Variants in NUDT19 observed in about 807,000 individuals in gnomAD.
NUDT19 encodes nudix hydrolase 19, also known as acyl-coenzyme A diphosphatase NUDT19.
NUDT19 carries 31 observed loss-of-function variants against 22.2 expected under a neutral mutation model. The ratio of observed to expected loss-of-function variants is 1.40; its 90% confidence interval spans 1.05 to 1.89. The LOEUF is 1.89. NUDT19 is among the 40% of genes most tolerant of loss of function. The pLI is 0.00. For synonymous variants in NUDT19, 325 were observed against 230.8 expected, an observed-to-expected ratio of 1.41 and a Z score of -3.70; for missense variants, 752 against 514.2, an observed-to-expected ratio of 1.46 and a Z score of -4.47.
intron 1 of NUDT19, among the ~76,000 whole-genome samples, 180 bp downstream of exon 1, chr19:32,692,854 A>G (rs975710819): frequency 6.6e-6 from 1 of 152,236 alleles, no homozygotes; most frequent in African/African-American, 2.4e-5. Context: ...GCTCTTGGTG[A>G]AGTGCTCTCT....
At chr19:32,702,614 G>A (rs4805008) in intron 1 of NUDT19, among the ~76,000 whole-genome samples, 90,852 of 151,840 alleles carry the variant, frequency 0.6, 28,260 homozygotes, top group East Asian at 0.82. Flanking sequence ...TCTCCAAAAA[G>A]AGAAAAAAAA....
chr19:32,705,296 C>T (rs375703020), intron 1 of NUDT19, among the ~76,000 whole-genome samples: 7 of 151,010 alleles, frequency 4.6e-5, no homozygotes, highest in African/African-American at 1.2e-4. Context: ...TGGTGGTGGG[C>T]GCCTATAGTT....
intron 1 of NUDT19, among the ~76,000 whole-genome samples, chr19:32,695,689 C>A (rs1968255263): frequency 6.6e-6 from 1 of 152,180 alleles, no homozygotes; most frequent in Admixed American, 6.5e-5. Flanking sequence ...TGTAAGACTG[C>A]CACCTCCTTG....
intron 1 of NUDT19, among the ~76,000 whole-genome samples, chr19:32,707,040 G>A (rs1187335330): frequency 1.3e-5 from 2 of 152,168 alleles, no homozygotes; most frequent in Non-Finnish European, 2.9e-5. Flanking sequence ...AGCCTCCCAG[G>A]TGGCTGTGAT....
At position 32,712,221 on chromosome 19, in the gene NUDT19, C is replaced by T. The variant is rs541103665; in HGVS notation, c.*264C>T. 4 of 313,984 alleles carry T rather than the reference C, an allele frequency of 1.3e-5. No homozygotes were observed. Among genetic ancestry groups the T allele is most frequent in the East Asian group, 1.4e-4 (2 of 14,560 alleles). 19.4% of individuals were successfully genotyped at this position (313,984 alleles called of 1,614,324 possible). A position where few individuals can be genotyped will look rare whatever the true frequency, so the allele number is the denominator to read the frequency against. On this transcript the variant is annotated 3_prime_UTR_variant, in exon 3 of 3. Transcript: ENST00000397061. ...TCCCGAGTAGCTGGGACTACAGGCGCCCGCCACCATGCCCAGCTAATTTTT... is the reference window on the plus strand; with the variant it reads ...TCCCGAGTAGCTGGGACTACAGGCGTCCGCCACCATGCCCAGCTAATTTTT...
chr19:32,697,341 T>C lies in NUDT19; in HGVS notation c.714+4667T>C, dbSNP rs1376647024. 9.9e-5 allele frequency among the ~76,000 whole-genome samples: 15 copies of C among 152,240 alleles called. No homozygotes were observed. In the East Asian group the frequency reaches 2.7e-3, roughly 27 times the overall value. On this transcript the variant is annotated intron_variant, in intron 1 of 2. Transcript: ENST00000397061. ...CTCCTGATATCCACAGATGATTGGGTAATAAACTTGTCTTTTAGGATCAAT... is the reference window on the plus strand; with the variant it reads ...CTCCTGATATCCACAGATGATTGGGCAATAAACTTGTCTTTTAGGATCAAT...
chr19:32,709,102 A>G, intron 1 of NUDT19, 83 bp from the exon 2 acceptor site: 1 of 883,184 alleles, frequency 1.1e-6, no homozygotes, highest in Non-Finnish European at 1.9e-6. Flanking sequence ...ATTCAGTTCT[A>G]CCTTAGGTAC....
At chr19:32,706,819 ACT>A (rs1968392335) in intron 1 of NUDT19, among the ~76,000 whole-genome samples, 1 of 152,228 alleles carries the variant, frequency 6.6e-6, no homozygotes, top group South Asian at 2.1e-4. Flanking sequence ...TCATGCGTCC[ACT>A]AGGGATCTGG....
Position 32,703,150 on chromosome 19 carries a change from C to T in NUDT19, c.715-6035C>T, listed in dbSNP as rs376684809. On this transcript the variant is annotated intron_variant, in intron 1 of 2. Coordinates refer to ENST00000397061, the MANE Select transcript of NUDT19 (RefSeq NM_001105570.2). ...CCCAGTAGCTGGGATTGTAGGCATA[C>T]GCCACCACGCCCAGCTGATTTTGTA... 2.2e-4 allele frequency among the ~76,000 whole-genome samples: 34 copies of T among 152,012 alleles called. No individual in the cohort carries two copies. In the East Asian group the frequency reaches 2.7e-3, roughly 12 times the overall value.
At chr19:32,704,265 CTTT>C (rs35045603) in intron 1 of NUDT19, among the ~76,000 whole-genome samples, 2 of 140,960 alleles carry the variant, frequency 1.4e-5, no homozygotes, top group Non-Finnish European at 3.1e-5. Context: ...TTGCAGGTAA[CTTT>C]TTTTTTTTTT....
chr19:32,696,118 T>C (rs1453607541), intron 1 of NUDT19, among the ~76,000 whole-genome samples: 3 of 152,218 alleles, frequency 2.0e-5, no homozygotes. Flanking sequence ...ACCCGCTCCC[T>C]ATCCTCTGGG....
Position 32,692,634 on chromosome 19 carries a change from C to G in NUDT19, c.674C>G (p.Pro225Arg), listed in dbSNP as rs376976240. 19 of 1,532,644 alleles carry G rather than the reference C, an allele frequency of 1.2e-5. No individual in the cohort carries two copies. The highest frequency in any genetic ancestry group is 7.1e-5 in the African/African-American group (5 of 70,664). The allele number at this position is 1,532,644 out of a possible 1,614,324, so 94.9% of individuals were successfully genotyped here. Residue 225 changes from proline (P) to arginine (R), a missense_variant, in exon 1 of 3, where the codon CCG (proline) becomes CGG (arginine). Pro to Arg is a moderately radical substitution (Grantham distance 103, BLOSUM62 -2). Coordinates refer to ENST00000397061, the MANE Select transcript of NUDT19 (RefSeq NM_001105570.2). ...TTCCTGTGCTGCCTGCGCGAGCCGC[C>G]GCCCGTCTACCCCGACTTGGCGGAG... ...AFFLCCLREP[P>R]PVYPDLAEVV...
At chr19:32,700,776 C>G (rs992843384) in intron 1 of NUDT19, among the ~76,000 whole-genome samples, 2 of 151,988 alleles carry the variant, frequency 1.3e-5, no homozygotes, top group Non-Finnish European at 2.9e-5. Context: ...TGACTGATAC[C>G]TATAATCTCA....
chr19:32,697,050 A>G (rs1968272065), intron 1 of NUDT19, among the ~76,000 whole-genome samples: 1 of 152,164 alleles, frequency 6.6e-6, no homozygotes, highest in South Asian at 2.1e-4. Context: ...TGTTTCTCAT[A>G]GGACAATCTT....
intron 1 of NUDT19, among the ~76,000 whole-genome samples, chr19:32,692,902 G>A (rs1307213729): frequency 2.0e-5 from 3 of 152,260 alleles, no homozygotes; most frequent in African/African-American, 7.2e-5. Context: ...CCTGGAGCCT[G>A]TCTCTCCACG....
chr19:32,712,726 T>G lies in NUDT19; in HGVS notation c.*769T>G, dbSNP rs978379051. The G allele has an allele frequency of 1.3e-5, 2 of 152,204 alleles. No homozygotes were observed. Among genetic ancestry groups the G allele is most frequent in the African/African-American group, 2.4e-5 (1 of 41,446 alleles). 9.4% of individuals were successfully genotyped at this position (152,204 alleles called of 1,614,324 possible). On this transcript the variant is annotated 3_prime_UTR_variant, in exon 3 of 3. Transcript: ENST00000397061. ...ATATCAGGTGTTTTAGGGAGCTCGCTTGCTTATTCCATTCTTTAATCCTTA... is the reference window on the plus strand; with the variant it reads ...ATATCAGGTGTTTTAGGGAGCTCGCGTGCTTATTCCATTCTTTAATCCTTA...
At position 32,692,605 on chromosome 19, in the gene NUDT19, C is replaced by T. The variant is rs554264500; in HGVS notation, c.645C>T (p.Ala215=). The change falls in exon 1 of 3, where the codon GCC becomes GCT. Residue 215 remains alanine (A), a synonymous_variant. Transcript: ENST00000397061. ...LRGTTRRFDT[A]FFLCCLREPP... ...GCACCACTCGCCGCTTTGACACGGC[C>T]TTCTTCCTGTGCTGCCTGCGCGAGC... is the stretch of plus-strand genomic sequence containing the variant. 1.5e-5 allele frequency: 23 copies of T among 1,568,194 alleles called. No individual in the cohort carries two copies. The African/African-American group carries it at 2.4e-4, about 16-fold the overall frequency.
rs1968470970 is a variant in NUDT19, at chr19:32,713,618, G to C, written c.*1661G>C. ...TGAGTAATTTTTCATCATCTTTCAAGAGGAATAATGTTTATTGATTAAAGG... is the reference window on the plus strand; with the variant it reads ...TGAGTAATTTTTCATCATCTTTCAACAGGAATAATGTTTATTGATTAAAGG... On this transcript the variant is annotated 3_prime_UTR_variant, in exon 3 of 3. Transcript: ENST00000397061. The C allele has an allele frequency of 6.6e-6, 1 of 152,134 alleles. No individual in the cohort carries two copies. The highest frequency in any genetic ancestry group is 1.5e-5 in the Non-Finnish European group (1 of 68,026). The allele number at this position is 152,134 out of a possible 1,614,324, so 9.4% of individuals were successfully genotyped here.
chr19:32,705,553 T>C (rs1038310435), intron 1 of NUDT19, among the ~76,000 whole-genome samples: 64 of 152,010 alleles, frequency 4.2e-4, no homozygotes, highest in African/African-American at 1.5e-3. Flanking sequence ...CATGGGCCTA[T>C]AGTAGCCTTT....
Sources: gnomAD v4.1 joint callset for allele counts (sites outside exome capture counted in the v4.1 genomes callset) on GRCh38, gnomAD v4.1.1 for gene constraint, MANE v1.5 for transcripts, NCBI Gene and HGNC (gene_info 2026-07-23, HGNC 2026-07-21) for gene names.